GLDC: variants seen among roughly 807,000 people sequenced by gnomAD.
GLDC encodes glycine dehydrogenase (decarboxylating), mitochondrial.
Under a neutral mutation model 121.3 loss-of-function variants are expected in GLDC, and 104 were observed. The observed-to-expected ratio is 0.86, with a 90% CI of 0.73 to 1.01. The LOEUF is 1.01. Ranked by LOEUF, GLDC falls within the 50% of genes least tolerant of loss-of-function variation. The pLI is 0.00. For synonymous variants in GLDC, 546 were observed against 480.6 expected, an observed-to-expected ratio of 1.14 and a Z score of -1.78; for missense variants, 1,429 against 1,306.6, an observed-to-expected ratio of 1.09 and a Z score of -1.44.
intron 2 of GLDC, among the ~76,000 whole-genome samples, chr9:6,634,450 G>T (rs1369229713): frequency 1.3e-5 from 2 of 152,038 alleles, no homozygotes; most frequent in South Asian, 4.2e-4. Flanking sequence ...GATCGCTTGA[G>T]CCTGGGAGGC....
intron 20 of GLDC, among the ~76,000 whole-genome samples, chr9:6,552,660 G>T (rs1226780034): frequency 6.6e-6 from 1 of 152,128 alleles, no homozygotes; most frequent in African/African-American, 2.4e-5. Flanking sequence ...TTTAAAGAGG[G>T]GCACTGCTTT....
chr9:6,572,052 G>T lies in GLDC; in HGVS notation c.1851-6623C>A, dbSNP rs185635498. On this transcript the variant is annotated intron_variant, in intron 15 of 24. Coordinates refer to ENST00000321612, the MANE Select transcript of GLDC (RefSeq NM_000170.3). ...TAAAAATCACCTGTAAATGGATCAT[G>T]GACTTAAATGTAAAACATAAAACTA... Among the ~76,000 whole-genome samples, 37 of 152,146 alleles carry T rather than the reference G, an allele frequency of 2.4e-4. 1 individual carries two copies. The highest frequency in any genetic ancestry group is 2.4e-3 in the Admixed American group (37 of 15,272).
chr9:6,562,874 T>G (rs1249795036), intron 16 of GLDC, among the ~76,000 whole-genome samples: 1 of 152,236 alleles, frequency 6.6e-6, no homozygotes, highest in Non-Finnish European at 1.5e-5. Flanking sequence ...TTAAAATTTC[T>G]GATCCAGAAG....
Position 6,622,994 on chromosome 9 carries a change from G to C in GLDC, c.335-2675C>G, listed in dbSNP as rs534955657. On this transcript the variant is annotated intron_variant, in intron 2 of 24. Coordinates refer to ENST00000321612, the MANE Select transcript of GLDC (RefSeq NM_000170.3). ...CAGCCACCCCGTCCGGGAGGGAGGTGGGGGGTCAGCCCCTGCCCGGCCAGC... is the reference window on the plus strand; with the variant it reads ...CAGCCACCCCGTCCGGGAGGGAGGTCGGGGGTCAGCCCCTGCCCGGCCAGC... 62 of 96,366 alleles carry C rather than the reference G, an allele frequency of 6.4e-4. No homozygotes were observed. The South Asian group carries it at 6.6e-3, about 10-fold the overall frequency. The allele number at this position is 96,366 out of a possible 1,614,324, so 6.0% of individuals were successfully genotyped here. A position where few individuals can be genotyped will look rare whatever the true frequency, so the allele number is the denominator to read the frequency against.
At chr9:6,578,738 GC>G (rs1018013564) in intron 15 of GLDC, among the ~76,000 whole-genome samples, 1 of 152,012 alleles carries the variant, frequency 6.6e-6, no homozygotes, top group African/African-American at 2.4e-5. Flanking sequence ...TTGCTATGTT[GC>G]CCAGGCTAGT....
chr9:6,534,311 T>G (rs538905493), intron 24 of GLDC: 41 of 273,870 alleles, frequency 1.5e-4, no homozygotes, highest in African/African-American at 8.5e-4. Context: ...AAACAGCACA[T>G]AGCATAATTT....
At chr9:6,580,718 G>C (rs1818156504) in intron 15 of GLDC, among the ~76,000 whole-genome samples, 1 of 152,118 alleles carries the variant, frequency 6.6e-6, no homozygotes, top group Non-Finnish European at 1.5e-5. Context: ...ATTGGCTTCT[G>C]TGCACATCAG....
intron 21 of GLDC, among the ~76,000 whole-genome samples, chr9:6,545,365 ATC>A (rs990300533): frequency 3.9e-5 from 6 of 152,174 alleles, no homozygotes; most frequent in Non-Finnish European, 8.8e-5. Flanking sequence ...AATGGTCCGA[ATC>A]TGTGTATCTT....
intron 4 of GLDC, 126 bp downstream of exon 4, chr9:6,610,066 G>T: frequency 2.6e-6 from 2 of 766,636 alleles, no homozygotes; most frequent in Non-Finnish European, 4.3e-6. Flanking sequence ...GAGTTTTTCA[G>T]TTTCTCTGAA....
At chr9:6,638,363 C>T (rs993031685) in intron 2 of GLDC, among the ~76,000 whole-genome samples, 6 of 151,984 alleles carry the variant, frequency 3.9e-5, no homozygotes, top group Admixed American at 6.6e-5. Context: ...TACAGGCATG[C>T]GCCACCACGC....
At chr9:6,563,336 T>C (rs1817794103) in intron 16 of GLDC, among the ~76,000 whole-genome samples, 1 of 152,226 alleles carries the variant, frequency 6.6e-6, no homozygotes, top group Non-Finnish European at 1.5e-5. Flanking sequence ...AGCTGGCCCT[T>C]TGCCATTAGC....
intron 20 of GLDC, among the ~76,000 whole-genome samples, chr9:6,551,760 A>C (rs936322360): frequency 6.6e-6 from 1 of 152,242 alleles, no homozygotes; most frequent in East Asian, 1.9e-4. Context: ...AGAATGGCAG[A>C]AATGAAGGCG....
intron 17 of GLDC, among the ~76,000 whole-genome samples, 153 bp from the exon 18 acceptor site, chr9:6,556,455 A>G (rs57438631): frequency 0.015 from 2,358 of 152,354 alleles, 63 homozygotes; most frequent in African/African-American, 0.055. Context: ...AGCAATAAAA[A>G]AAAACCACAG....
Position 6,605,120 on chromosome 9 carries a change from G to C in GLDC, c.861+11C>G, listed in dbSNP as rs757254927. The C allele has an allele frequency of 2.9e-5, 46 of 1,611,436 alleles. No individual in the cohort carries two copies. Among genetic ancestry groups the C allele is most frequent in the Non-Finnish European group, 3.8e-5 (45 of 1,179,266 alleles). Reference sequence around the variant, plus strand: ...GCCTCCACGGACCCCCCACAAGAAAGGTATACCTACCCCACTCTGATGAGC... The same window carrying C: ...GCCTCCACGGACCCCCCACAAGAAACGTATACCTACCCCACTCTGATGAGC... On this transcript the variant is annotated intron_variant, in intron 6 of 24. Coordinates refer to ENST00000321612, the MANE Select transcript of GLDC (RefSeq NM_000170.3).
intron 2 of GLDC, among the ~76,000 whole-genome samples, chr9:6,624,596 A>G (rs932392780): frequency 3.9e-5 from 6 of 152,166 alleles, no homozygotes; most frequent in East Asian, 1.9e-4. Flanking sequence ...TTGTGGTACT[A>G]TATTACATGG....
intron 20 of GLDC, among the ~76,000 whole-genome samples, chr9:6,551,525 C>A (rs1320549393): frequency 1.3e-5 from 2 of 152,046 alleles, no homozygotes; most frequent in South Asian, 2.1e-4. Context: ...ATGGAGTTGG[C>A]ATATATATTA....
chr9:6,576,733 C>T (rs1818073285), intron 15 of GLDC, among the ~76,000 whole-genome samples: 3 of 152,288 alleles, frequency 2.0e-5, no homozygotes, highest in Middle Eastern at 3.4e-3. Context: ...TCCCAAAGTG[C>T]TGGGATTACA....
chr9:6,558,783 A>T, intron 16 of GLDC, 99 bp from the exon 17 acceptor site: 1 of 1,252,116 alleles, frequency 8.0e-7, no homozygotes, highest in South Asian at 1.2e-5. Context: ...CAAATTAGAC[A>T]CCACCTGTTT....
chr9:6,609,391 G>A (rs2129913426), intron 4 of GLDC, among the ~76,000 whole-genome samples: 1 of 152,282 alleles, frequency 6.6e-6, no homozygotes, highest in African/African-American at 2.4e-5. Flanking sequence ...GTGCCATGGA[G>A]ATAATAGAAG....
Sources: gnomAD v4.1 joint callset for allele counts (sites outside exome capture counted in the v4.1 genomes callset) on GRCh38, gnomAD v4.1.1 for gene constraint, MANE v1.5 for transcripts, NCBI Gene and HGNC (gene_info 2026-07-23, HGNC 2026-07-21) for gene names.